TAF12: variants seen among roughly 807,000 people sequenced by gnomAD.
The protein encoded by TAF12 is TATA-box binding protein associated factor 12.
A neutral mutation model predicts 20.8 loss-of-function variants in TAF12; 3 were observed. The observed-to-expected ratio is 0.14, with a 90% CI of 0.07 to 0.37. The LOEUF is 0.37. Among genes scored for constraint, TAF12 ranks in the 10% least tolerant of loss-of-function variants. TAF12 has a pLI of 1.00. For missense variants in TAF12, 131 were observed against 197.9 expected (o/e 0.66, Z 2.03); for synonymous variants, 69 against 70.2 (o/e 0.98, Z 0.09).
At chr1:28,628,322 G>A (rs1215951701) in intron 1 of TAF12, among the ~76,000 whole-genome samples, 1 of 143,932 alleles carries the variant, frequency 6.9e-6, no homozygotes, top group Non-Finnish European at 1.5e-5. Context: ...CCGAGATTGC[G>A]CCACTGCACT....
chr1:28,634,055 C>A (rs774501935), intron 1 of TAF12, among the ~76,000 whole-genome samples: 21 of 151,734 alleles, frequency 1.4e-4, no homozygotes, highest in Non-Finnish European at 2.4e-4. Flanking sequence ...TGCAACCCAG[C>A]CTGGATGACA....
chr1:28,629,089 AAC>A, intron 1 of TAF12, among the ~76,000 whole-genome samples: 1 of 152,274 alleles, frequency 6.6e-6, no homozygotes, highest in South Asian at 2.1e-4. Context: ...AAATGAATAA[AAC>A]ACACATACAC....
chr1:28,643,724 A>G (rs566115409), upstream of TAF12, among the ~76,000 whole-genome samples: 1 of 152,276 alleles, frequency 6.6e-6, no homozygotes, highest in Non-Finnish European at 1.5e-5. Flanking sequence ...GTCCTGTAGC[A>G]TTCTCTAATG....
intron 1 of TAF12, among the ~76,000 whole-genome samples, chr1:28,623,082 C>A (rs2124341924): frequency 6.6e-6 from 1 of 151,952 alleles, no homozygotes; most frequent in African/African-American, 2.4e-5. Flanking sequence ...GACATGGTAG[C>A]ATGTGGTCCT....
At chr1:28,644,659 G>A (rs1454557022), upstream of TAF12, among the ~76,000 whole-genome samples, 1 of 152,216 alleles carries the variant, frequency 6.6e-6, no homozygotes, top group East Asian at 1.9e-4. Context: ...AGAGAATACT[G>A]GAATAAGCCA....
chr1:28,645,434 G>A (rs913881405), upstream of TAF12, among the ~76,000 whole-genome samples: 7 of 149,214 alleles, frequency 4.7e-5, no homozygotes, highest in Non-Finnish European at 1.0e-4. Flanking sequence ...AGGATCACGA[G>A]GTCAGGAGAT....
intron 4 of TAF12, among the ~76,000 whole-genome samples, chr1:28,611,364 G>A (rs1424856535): frequency 6.6e-6 from 1 of 151,992 alleles, no homozygotes; most frequent in Non-Finnish European, 1.5e-5. Context: ...TTCCGTTATG[G>A]GTTATTTAAA....
chr1:28,608,014 AT>A (rs1262954003), intron 4 of TAF12, among the ~76,000 whole-genome samples: 2 of 151,934 alleles, frequency 1.3e-5, no homozygotes, highest in African/African-American at 4.8e-5. Flanking sequence ...GTGAGTGCCT[AT>A]AATCCCAGCT....
chr1:28,641,790 T>C (rs1422508483), intron 1 of TAF12, among the ~76,000 whole-genome samples: 1 of 100,504 alleles, frequency 9.9e-6, no homozygotes, highest in East Asian at 2.3e-4. Flanking sequence ...AGAGAACCTG[T>C]CTCAAAAAAA....
At chr1:28,631,986 T>TA (rs761847958) in intron 1 of TAF12, among the ~76,000 whole-genome samples, 1 of 152,196 alleles carries the variant, frequency 6.6e-6, no homozygotes, top group Non-Finnish European at 1.5e-5. Context: ...CCTAGGTACT[T>TA]ACTGTAGAGA....
At chr1:28,642,086 T>C (rs1668054278) in intron 1 of TAF12, among the ~76,000 whole-genome samples, 1 of 152,186 alleles carries the variant, frequency 6.6e-6, no homozygotes, top group Admixed American at 6.6e-5. Flanking sequence ...TTGAGTGGAA[T>C]GGGATTTAAA....
At chr1:28,627,964 G>C (rs1431636880) in intron 1 of TAF12, among the ~76,000 whole-genome samples, 1 of 151,974 alleles carries the variant, frequency 6.6e-6, no homozygotes, top group East Asian at 1.9e-4. Context: ...TAACACATTT[G>C]ATGGGTGGTA....
At chr1:28,619,647 GAAAAAAAA>G (rs56098932) in intron 2 of TAF12, among the ~76,000 whole-genome samples, 6 of 59,442 alleles carry the variant, frequency 1.0e-4, no homozygotes, top group Admixed American at 4.5e-4. Flanking sequence ...AAATTCCACT[GAAAAAAAA>G]AAAAAAAAAA....
At chr1:28,610,289 T>C (rs926626175) in intron 4 of TAF12, among the ~76,000 whole-genome samples, 51 of 152,010 alleles carry the variant, frequency 3.4e-4, no homozygotes, top group African/African-American at 1.2e-3. Context: ...TAATTATGTA[T>C]GTATTTACTT....
At chr1:28,615,965 C>T (rs896192455) in intron 3 of TAF12, among the ~76,000 whole-genome samples, 63 of 152,270 alleles carry the variant, frequency 4.1e-4, no homozygotes, top group Middle Eastern at 3.4e-3. Context: ...GAAATAGTTA[C>T]ACCACAGAAA....
intron 3 of TAF12, among the ~76,000 whole-genome samples, chr1:28,614,597 C>T (rs952357336): frequency 6.6e-6 from 1 of 151,110 alleles, no homozygotes; most frequent in Non-Finnish European, 1.5e-5. Context: ...GCAGGAGAAT[C>T]GCTGAAGCCG....
In TAF12 at chr1:28,631,071, T is replaced by C. The variant is rs530898014; in HGVS notation, c.-84-8906A>G. On this transcript the variant is annotated intron_variant, in intron 1 of 5. Transcript: ENST00000373824. The stretch of plus-strand genomic sequence containing the variant: ...AAAAAAAAAAAAAAAAAAAAAGATA[T>C]GTCATAGATTAGGAGAAAATATGTA... 3.4e-3 allele frequency among the ~76,000 whole-genome samples: 504 copies of C among 148,630 alleles called. 1 individual carries two copies. Among genetic ancestry groups the C allele is most frequent in the African/African-American group, 0.012 (482 of 40,508 alleles).
intron 1 of TAF12, among the ~76,000 whole-genome samples, chr1:28,627,741 T>C (rs927475234): frequency 1.3e-5 from 2 of 150,040 alleles, no homozygotes; most frequent in East Asian, 2.0e-4. Context: ...AGTTTCTCCC[T>C]AAGAAACTCG....
chr1:28,623,412 T>C (rs546770379), intron 1 of TAF12, among the ~76,000 whole-genome samples: 6 of 152,008 alleles, frequency 3.9e-5, no homozygotes, highest in African/African-American at 1.2e-4. Context: ...TCCCAGCTAC[T>C]TGGGAGGCTA....
Sources: allele counts gnomAD v4.1 joint callset (sites outside exome capture counted in the v4.1 genomes callset), GRCh38; gene constraint gnomAD v4.1.1; transcripts MANE v1.5; gene names NCBI Gene and HGNC (gene_info 2026-07-23, HGNC 2026-07-21).